The following SGCZ variants were observed in gnomAD, a reference collection of about 807,000 sequenced individuals.
The protein encoded by SGCZ is sarcoglycan zeta, also known as zeta-sarcoglycan.
SGCZ carries 40 observed loss-of-function variants against 41.3 expected under a neutral mutation model. The ratio of observed to expected loss-of-function variants is 0.97; its 90% CI spans 0.75 to 1.26. SGCZ has a LOEUF of 1.26. SGCZ is among the 50% of genes most tolerant of loss of function. The pLI, the probability that SGCZ is intolerant of heterozygous loss-of-function variation, is 0.00. For missense variants in SGCZ, 552 were observed against 369.8 expected, an observed-to-expected ratio of 1.49 and a Z score of -4.04; for synonymous variants, 206 against 137.5, an observed-to-expected ratio of 1.50 and a Z score of -3.49.
intron 1 of SGCZ, among the ~76,000 whole-genome samples, chr8:14,793,013 A>G (rs1375230016): frequency 6.6e-6 from 1 of 152,224 alleles, no homozygotes; most frequent in Non-Finnish European, 1.5e-5. Flanking sequence ...CTATTTGAAT[A>G]TTGACAAGAA....
intron 2 of SGCZ, among the ~76,000 whole-genome samples, chr8:14,462,277 GA>G (rs201855098): frequency 2.5e-4 from 37 of 149,370 alleles, no homozygotes; most frequent in South Asian, 8.5e-4. Context: ...AGAGGTGCAA[GA>G]AAAAAAAATG....
rs187180282 is a variant in SGCZ at position 14,393,172 on chromosome 8, T to C, written c.235-68968A>G. On this transcript the variant is annotated intron_variant, in intron 2 of 7. Coordinates refer to ENST00000382080, the MANE Select transcript of SGCZ (RefSeq NM_139167.4). ...GTATAAAGGATAAAGTAGTGCGATA[T>C]TGATATAAGAGTTAAGAAGAAATCA... Among the ~76,000 whole-genome samples, 141 of 152,286 alleles carry C rather than the reference T, an allele frequency of 9.3e-4. 2 individuals are homozygous for C. Among genetic ancestry groups the C allele is most frequent in the African/African-American group, 3.1e-3 (130 of 41,556 alleles).
chr8:14,455,455 TACACACACACACACACACAC>T (rs5889534), intron 2 of SGCZ, among the ~76,000 whole-genome samples: 1 of 144,352 alleles, frequency 6.9e-6, no homozygotes, highest in African/African-American at 2.5e-5. Flanking sequence ...TTTGCATGCA[TACACACACACACACACACAC>T]ACACACACAC....
At chr8:14,187,509 C>G (rs1277789375) in intron 4 of SGCZ, among the ~76,000 whole-genome samples, 3 of 151,236 alleles carry the variant, frequency 2.0e-5, no homozygotes, top group African/African-American at 4.9e-5. Context: ...TGGAGAATAT[C>G]AACAAAGATA....
intron 3 of SGCZ, among the ~76,000 whole-genome samples, chr8:14,241,889 G>A (rs529064114): frequency 6.6e-6 from 1 of 151,996 alleles, no homozygotes; most frequent in Non-Finnish European, 1.5e-5. Context: ...TTTCTGATAG[G>A]CTATGCATAT....
intron 5 of SGCZ, among the ~76,000 whole-genome samples, chr8:14,156,380 G>C (rs553629471): frequency 4.9e-4 from 75 of 152,216 alleles, no homozygotes; most frequent in African/African-American, 1.8e-3. Context: ...AGAATGGCAT[G>C]AACCCAGGAG....
chr8:14,503,000 G>A (rs1202850762), intron 2 of SGCZ, among the ~76,000 whole-genome samples: 2 of 152,160 alleles, frequency 1.3e-5, no homozygotes, highest in African/African-American at 4.8e-5. Flanking sequence ...GCACATGTAT[G>A]TTTATTGCAG....
At chr8:15,190,603 G>A (rs1335417457) in intron 1 of SGCZ, among the ~76,000 whole-genome samples, 1 of 151,716 alleles carries the variant, frequency 6.6e-6, no homozygotes, top group Non-Finnish European at 1.5e-5. Context: ...AAATCTACAG[G>A]TTGATATCAT....
intron 2 of SGCZ, among the ~76,000 whole-genome samples, chr8:14,398,288 A>T (rs1798975033): frequency 6.6e-6 from 1 of 152,098 alleles, no homozygotes; most frequent in Admixed American, 6.6e-5. Context: ...GAACAGTGTG[A>T]CCTATTCCTT....
intron 1 of SGCZ, among the ~76,000 whole-genome samples, chr8:15,038,830 AAAAAAAAAAG>A (rs1465876249): frequency 1.4e-5 from 2 of 140,378 alleles, no homozygotes; most frequent in East Asian, 4.1e-4. Flanking sequence ...AAAAAAAAAA[AAAAAAAAAAG>A]AAAGAAAGAA....
At chr8:14,371,062 A>G (rs914590849) in intron 2 of SGCZ, among the ~76,000 whole-genome samples, 3 of 152,018 alleles carry the variant, frequency 2.0e-5, no homozygotes, top group Non-Finnish European at 2.9e-5. Flanking sequence ...AGCCAATAAA[A>G]TTATTTTTAT....
intron 1 of SGCZ, among the ~76,000 whole-genome samples, chr8:14,835,751 T>C (rs1320367164): frequency 6.6e-6 from 1 of 152,228 alleles, no homozygotes; most frequent in Non-Finnish European, 1.5e-5. Flanking sequence ...TGTGTGAATG[T>C]ATTTACATTC....
chr8:14,141,153 C>T (rs1262378958), intron 5 of SGCZ, among the ~76,000 whole-genome samples: 1 of 152,154 alleles, frequency 6.6e-6, no homozygotes, highest in Non-Finnish European at 1.5e-5. Context: ...CTTCGTTACA[C>T]CTTGTACAAA....
At chr8:15,217,380 G>A (rs1049487052) in intron 1 of SGCZ, among the ~76,000 whole-genome samples, 2 of 146,538 alleles carry the variant, frequency 1.4e-5, no homozygotes, top group Non-Finnish European at 3.0e-5. Context: ...TTGCGCCACC[G>A]CACTCCAACC....
intron 1 of SGCZ, among the ~76,000 whole-genome samples, chr8:15,141,678 A>C (rs888627185): frequency 3.9e-5 from 6 of 152,130 alleles, no homozygotes; most frequent in African/African-American, 1.4e-4. Context: ...CCAAGGCGGG[A>C]GGATCACGAG....
chr8:15,232,728 TAC>T (rs1801987575), intron 1 of SGCZ, among the ~76,000 whole-genome samples: 1 of 146,854 alleles, frequency 6.8e-6, no homozygotes, highest in African/African-American at 2.5e-5. Flanking sequence ...TGTATATATA[TAC>T]ATATATATGT....
At chr8:15,000,688 G>A (rs1464462325) in intron 1 of SGCZ, among the ~76,000 whole-genome samples, 1 of 152,008 alleles carries the variant, frequency 6.6e-6, no homozygotes, top group Non-Finnish European at 1.5e-5. Flanking sequence ...GATTAAGTTG[G>A]GGCAACCAGC....
chr8:14,861,798 G>T (rs545228540), intron 1 of SGCZ, among the ~76,000 whole-genome samples: 7 of 151,916 alleles, frequency 4.6e-5, no homozygotes, highest in African/African-American at 1.7e-4. Context: ...TATTCCTTAG[G>T]GGGTGTCAGG....
intron 1 of SGCZ, among the ~76,000 whole-genome samples, chr8:14,591,348 CAAAT>C (rs1046272219): frequency 5.3e-5 from 8 of 151,998 alleles, no homozygotes; most frequent in African/African-American, 1.9e-4. Flanking sequence ...CCCTTTTAAA[CAAAT>C]GAATTGATAT....
Sources: allele counts gnomAD v4.1 joint callset (sites outside exome capture counted in the v4.1 genomes callset), GRCh38; gene constraint gnomAD v4.1.1; transcripts MANE v1.5; gene names NCBI Gene and HGNC (gene_info 2026-07-23, HGNC 2026-07-21).